The following SLC25A33 variants were observed in gnomAD, a reference collection of about 807,000 sequenced individuals.
SLC25A33 encodes solute carrier family 25 member 33, also known as bone marrow stromal cell mitochondrial carrier protein.
Under a neutral mutation model 35.5 loss-of-function variants are expected in SLC25A33, and 15 were observed. The observed-to-expected ratio is 0.42, with a 90% CI of 0.28 to 0.65. The LOEUF (loss-of-function observed/expected upper bound fraction) is 0.65. SLC25A33 is among the 30% of genes least tolerant of loss of function. SLC25A33 has a pLI of 0.20. For synonymous variants in SLC25A33, 136 were observed against 148.7 expected (o/e 0.91, Z 0.62); for missense variants, 257 against 398.5 (o/e 0.64, Z 3.02).
chr1:9,549,208 T>C (rs1643224381), intron 1 of SLC25A33, among the ~76,000 whole-genome samples: 1 of 151,974 alleles, frequency 6.6e-6, no homozygotes, highest in Admixed American at 6.6e-5. Context: ...AGCGGTCCCA[T>C]TGGCTTGATG....
At chr1:9,572,463 A>AG (rs1028845993) in intron 4 of SLC25A33, among the ~76,000 whole-genome samples, 81 of 152,094 alleles carry the variant, frequency 5.3e-4, no homozygotes, top group Admixed American at 1.2e-3. Flanking sequence ...TACAAAAAAA[A>AG]AAAAATTAGC....
intron 2 of SLC25A33, among the ~76,000 whole-genome samples, chr1:9,561,972 G>C (rs1389189108): frequency 6.6e-6 from 1 of 151,496 alleles, no homozygotes; most frequent in Non-Finnish European, 1.5e-5. Flanking sequence ...AATACTGTTT[G>C]AACCCGGGAG....
chr1:9,568,708 G>A lies in SLC25A33; in HGVS notation c.314+1347G>A, dbSNP rs182426345. ...CTACTAAAAATACAAAAAACTAGCC[G>A]GGCGTGATGGCTGGCACCTGTAGTC... On this transcript the variant is annotated intron_variant, in intron 3 of 6. Coordinates refer to ENST00000302692, the MANE Select transcript of SLC25A33 (RefSeq NM_032315.3). Among the ~76,000 whole-genome samples the A allele has an allele frequency of 3.2e-3, 493 of 151,766 alleles. 2 individuals are homozygous for A. The highest frequency in any genetic ancestry group is 0.014 in the Middle Eastern group (4 of 286).
At chr1:9,571,860 C>T (rs575637586) in intron 4 of SLC25A33, among the ~76,000 whole-genome samples, 1 of 152,208 alleles carries the variant, frequency 6.6e-6, no homozygotes, top group South Asian at 2.1e-4. Flanking sequence ...AAGCTCGTCT[C>T]GAACTACTGA....
At chr1:9,567,733 A>T (rs1222356247) in intron 3 of SLC25A33, among the ~76,000 whole-genome samples, 1 of 152,192 alleles carries the variant, frequency 6.6e-6, no homozygotes, top group South Asian at 2.1e-4. Context: ...CTGCATTTTA[A>T]CAGAACCCCC....
chr1:9,545,826 G>C (rs1569841053), intron 1 of SLC25A33, among the ~76,000 whole-genome samples: 1 of 151,914 alleles, frequency 6.6e-6, no homozygotes, highest in Middle Eastern at 3.4e-3. Flanking sequence ...AGCTGGGCAT[G>C]GTGGCGCAGG....
At position 9,553,716 on chromosome 1, in the gene SLC25A33, C is replaced by T. The variant is rs1180272978; in HGVS notation, c.147C>T (p.Val49=). Residue 49 remains valine (V), a synonymous_variant, in exon 2 of 7, where the codon GTC becomes GTT. Coordinates refer to ENST00000302692, the MANE Select transcript of SLC25A33 (RefSeq NM_032315.3). ...CTTCAAGATTAGCTCTCCGGACAGT[C>T]TACTATCCTCAGGTTCATCTGGGGA... is the stretch of plus-strand genomic sequence containing the variant. ...LQSSRLALRT[V]YYPQVHLGTI... is the part of the protein sequence containing the mutation. 5.0e-6 allele frequency: 8 copies of T among 1,614,168 alleles called. No individual in the cohort carries two copies. Among genetic ancestry groups the T allele is most frequent in the Non-Finnish European group, 6.8e-6 (8 of 1,180,020 alleles).
chr1:9,575,492 G>A (rs569509428), intron 5 of SLC25A33, among the ~76,000 whole-genome samples: 14 of 152,148 alleles, frequency 9.2e-5, no homozygotes, highest in African/African-American at 2.9e-4. Flanking sequence ...GTGGGCGCCT[G>A]TAATCCTAGC....
At chr1:9,545,733 G>A (rs1205789423) in intron 1 of SLC25A33, among the ~76,000 whole-genome samples, 1 of 151,148 alleles carries the variant, frequency 6.6e-6, no homozygotes, top group African/African-American at 2.4e-5. Context: ...GCCGAGGCAG[G>A]TGGATCACTT....
intron 1 of SLC25A33, among the ~76,000 whole-genome samples, chr1:9,541,624 C>A (rs1643082840): frequency 6.6e-6 from 1 of 150,772 alleles, no homozygotes; most frequent in Non-Finnish European, 1.5e-5. Context: ...AAGGGGGAAG[C>A]ATTCTTAAAT....
chr1:9,557,008 G>A lies in SLC25A33; in HGVS notation c.236+3203G>A, dbSNP rs150477794. On this transcript the variant is annotated intron_variant, in intron 2 of 6. Coordinates refer to ENST00000302692, the MANE Select transcript of SLC25A33 (RefSeq NM_032315.3). ...GGCTGGAGTGCAATGGCGTGATCTCGGCACAACCTCCGCCTCCCAGGTTCA... is the reference window on the plus strand; with the variant it reads ...GGCTGGAGTGCAATGGCGTGATCTCAGCACAACCTCCGCCTCCCAGGTTCA... 7.2e-5 allele frequency among the ~76,000 whole-genome samples: 11 copies of A among 152,148 alleles called. No individual in the cohort carries two copies. The East Asian group carries it at 1.7e-3, about 24-fold the overall frequency.
chr1:9,575,320 A>T (rs2100409580), intron 5 of SLC25A33, among the ~76,000 whole-genome samples: 1 of 151,672 alleles, frequency 6.6e-6, no homozygotes, highest in African/African-American at 2.4e-5. Flanking sequence ...AGCTGCCTCT[A>T]AAGAAAGGAG....
chr1:9,562,028 C>CT (rs1278522030), intron 2 of SLC25A33, among the ~76,000 whole-genome samples: 2 of 135,976 alleles, frequency 1.5e-5, no homozygotes, highest in Non-Finnish European at 1.5e-5. Flanking sequence ...ACTCGCCTGG[C>CT]GACAGAGCAA....
intron 1 of SLC25A33, among the ~76,000 whole-genome samples, chr1:9,546,427 G>A (rs905642661): frequency 1.3e-5 from 2 of 151,746 alleles, no homozygotes; most frequent in Admixed American, 1.3e-4. Context: ...CTCGTGATCC[G>A]CCCTCCTCAG....
At chr1:9,579,807 G>A (rs1223505769) in intron 5 of SLC25A33, 147 bp from the exon 6 acceptor site, 4 of 985,204 alleles carry the variant, frequency 4.1e-6, no homozygotes, top group African/African-American at 1.6e-5. Flanking sequence ...CCCACATAAC[G>A]AAAGACAAGG....
intron 2 of SLC25A33, among the ~76,000 whole-genome samples, chr1:9,557,556 C>T (rs1285276113): frequency 6.6e-5 from 10 of 151,758 alleles, no homozygotes; most frequent in East Asian, 1.9e-4. Flanking sequence ...AAAAATTAGC[C>T]GGGCATGTTG....
intron 1 of SLC25A33, among the ~76,000 whole-genome samples, chr1:9,550,011 A>ATTTTATTTTT (rs1643242257): frequency 2.0e-5 from 1 of 48,866 alleles, no homozygotes; most frequent in Non-Finnish European, 3.8e-5. Flanking sequence ...ATATATATAT[A>ATTTTATTTTT]TTTTTTTTTT....
At chr1:9,577,450 A>AG (rs1207544262) in intron 5 of SLC25A33, among the ~76,000 whole-genome samples, 1 of 152,146 alleles carries the variant, frequency 6.6e-6, no homozygotes, top group Non-Finnish European at 1.5e-5. Context: ...ACTCCACCCT[A>AG]GGGGACAGAG....
chr1:9,564,739 A>ATATATAT (rs1211262069), intron 2 of SLC25A33, among the ~76,000 whole-genome samples: 28 of 96,536 alleles, frequency 2.9e-4, no homozygotes, highest in African/African-American at 4.4e-4. Flanking sequence ...AAAAAAAAAA[A>ATATATAT]ATATATATAT....
Sources: allele counts gnomAD v4.1 joint callset (sites outside exome capture counted in the v4.1 genomes callset), GRCh38; gene constraint gnomAD v4.1.1; transcripts MANE v1.5; gene names NCBI Gene and HGNC (gene_info 2026-07-23, HGNC 2026-07-21).